The following EAPP variants were observed in gnomAD, a reference collection of about 807,000 sequenced individuals.
The protein encoded by EAPP is E2F associated phosphoprotein, also known as E2F-associated phosphoprotein.
A neutral mutation model predicts 34.3 loss-of-function variants in EAPP; 38 were observed. The observed-to-expected ratio is 1.11, with a 90% confidence interval of 0.85 to 1.45. The LOEUF is 1.45. Ranked by LOEUF, EAPP falls within the 40% of genes most tolerant of loss-of-function variation. The pLI is 0.00. For missense variants in EAPP, 338 were observed against 343.7 expected (o/e 0.98, Z 0.13); for synonymous variants, 113 against 117.6 (o/e 0.96, Z 0.25).
Position 34,536,178 on chromosome 14 carries a change from C to T in EAPP, c.172G>A (p.Glu58Lys), listed in dbSNP as rs746822873. 6 of 1,612,204 alleles carry T rather than the reference C, an allele frequency of 3.7e-6. No homozygotes were observed. Among genetic ancestry groups the T allele is most frequent in the Non-Finnish European group, 5.1e-6 (6 of 1,178,794 alleles). ...TCCATCTCCTTTTCAAATTCATCTTCACTAGATGATTCACTTTCTCCGGTA... is the reference window on the plus strand; with the variant it reads ...TCCATCTCCTTTTCAAATTCATCTTTACTAGATGATTCACTTTCTCCGGTA... The part of the protein sequence containing the change: ...CLTGESESSS[E>K]DEFEKEMEAE... The change falls in exon 2 of 6, where the codon GAA (glutamate) becomes AAA (lysine). Residue 58 changes from glutamate to lysine, a missense_variant. Physicochemically the swap from Glu to Lys is moderately conservative, Grantham distance 56. Transcript: ENST00000250454.
chr14:34,520,966 T>G (rs971611039), intron 5 of EAPP, among the ~76,000 whole-genome samples: 2 of 152,196 alleles, frequency 1.3e-5, no homozygotes, highest in African/African-American at 4.8e-5. Flanking sequence ...TTTACTGTTT[T>G]ATTGTTATAT....
intron 1 of EAPP, among the ~76,000 whole-genome samples, chr14:34,539,047 C>A (rs1190654406): frequency 6.6e-6 from 1 of 152,208 alleles, no homozygotes; most frequent in Non-Finnish European, 1.5e-5. Context: ...GAGCATACAA[C>A]AGTCCCTGTC....
Position 34,516,146 on chromosome 14 carries a change from G to GGTGAGAGAT in EAPP, c.*155_*163dup. On this transcript the variant is annotated 3_prime_UTR_variant, in exon 6 of 6. Transcript: ENST00000250454. Reference sequence around the variant, plus strand: ...AAATCAAAGAAAAAAAAAAGGAGAGGGTGAGAGATGTAAGAGATGAATGAA... The same window carrying GGTGAGAGAT: ...AAATCAAAGAAAAAAAAAAGGAGAGGGTGAGAGATGTGAGAGATGTAAGAGATGAATGAA... The GGTGAGAGAT allele has an allele frequency of 1.7e-6, 1 of 599,650 alleles. No individual in the cohort carries two copies. Among genetic ancestry groups the GGTGAGAGAT allele is most frequent in the Admixed American group, 3.6e-5 (1 of 27,554 alleles). 37.1% of individuals were successfully genotyped at this position (599,650 alleles called of 1,614,324 possible).
intron 5 of EAPP, among the ~76,000 whole-genome samples, chr14:34,517,270 TGG>T (rs1879770836): frequency 7.4e-6 from 1 of 135,566 alleles, no homozygotes; most frequent in South Asian, 2.3e-4. Context: ...TTTTTTGAGA[TGG>T]GGTTTCACTC....
rs1880596490 is a variant in EAPP at position 34,539,605 on chromosome 14, G to A, written c.24C>T (p.Tyr8=). MNRLPDD[Y]DPYAVEEPSD... ...TAGGCTCTTCAACCGCGTAGGGGTC[G>A]TAGTCATCCGGAAGCCGGTTCATGG... is the stretch of plus-strand genomic sequence containing the variant. The change falls in exon 1 of 6, where the codon TAC becomes TAT. Residue 8 remains tyrosine (Y), a synonymous_variant. Transcript: ENST00000250454. The A allele has an allele frequency of 1.9e-6, 3 of 1,582,636 alleles. No individual in the cohort carries two copies. The highest frequency in any genetic ancestry group is 1.1e-5 in the South Asian group (1 of 89,538).
chr14:34,527,290 A>G (rs1397610686), intron 4 of EAPP, among the ~76,000 whole-genome samples: 1 of 151,998 alleles, frequency 6.6e-6, no homozygotes, highest in African/African-American at 2.4e-5. Flanking sequence ...CAACACAGCT[A>G]GACCTCTCTA....
chr14:34,530,615 GTTTA>G (rs1594666857), intron 3 of EAPP, among the ~76,000 whole-genome samples: 3 of 151,946 alleles, frequency 2.0e-5, no homozygotes, highest in African/African-American at 7.2e-5. Context: ...GGCAAAAATT[GTTTA>G]TTTACCCAAA....
chr14:34,521,452 C>A (rs368718219), intron 5 of EAPP, among the ~76,000 whole-genome samples: 1 of 152,030 alleles, frequency 6.6e-6, no homozygotes, highest in Non-Finnish European at 1.5e-5. Context: ...TAGATTTAAT[C>A]TTTTGAGATA....
chr14:34,516,067 T>A lies in EAPP; in HGVS notation c.*243A>T, dbSNP rs1879708372. 1 of 401,362 alleles carries A rather than the reference T, an allele frequency of 2.5e-6. No homozygotes were observed. Among genetic ancestry groups the A allele is most frequent in the East Asian group, 3.7e-5 (1 of 26,882 alleles). 24.9% of individuals were successfully genotyped at this position (401,362 alleles called of 1,614,324 possible). On this transcript the variant is annotated 3_prime_UTR_variant, in exon 6 of 6. Coordinates refer to ENST00000250454, the MANE Select transcript of EAPP (RefSeq NM_018453.4). ...AGAGCTTTAATAAAAAGCCCGACAGTTTCCAAATGTTCATCAAAAACAGAA... is the reference window on the plus strand; with the variant it reads ...AGAGCTTTAATAAAAAGCCCGACAGATTCCAAATGTTCATCAAAAACAGAA...
At position 34,539,572 on chromosome 14, in the gene EAPP, C is replaced by A. The variant is rs1880593883; in HGVS notation, c.57G>T (p.Glu19Asp). The A allele has an allele frequency of 6.2e-7, 1 of 1,605,170 alleles. No individual in the cohort carries two copies. Among genetic ancestry groups the A allele is most frequent in the Non-Finnish European group, 8.5e-7 (1 of 1,176,872 alleles). ...DPYAVEEPSD[E>D]EPALSSSEDE... ...GAGCCCACCTGCTCAAAGCCGGCTCCTCGTCGCTAGGCTCTTCAACCGCGT... is the reference window on the plus strand; with the variant it reads ...GAGCCCACCTGCTCAAAGCCGGCTCATCGTCGCTAGGCTCTTCAACCGCGT... Residue 19 changes from glutamate (E) to aspartate (D), a missense_variant, in exon 1 of 6, where the codon GAG becomes GAT. Coordinates refer to ENST00000250454, the MANE Select transcript of EAPP (RefSeq NM_018453.4).
At chr14:34,520,612 G>A (rs1029705364) in intron 5 of EAPP, among the ~76,000 whole-genome samples, 2 of 151,108 alleles carry the variant, frequency 1.3e-5, no homozygotes, top group Admixed American at 6.6e-5. Context: ...AACAATTCTC[G>A]TGCCTCAGCC....
At chr14:34,539,176 T>C in intron 1 of EAPP, 1 of 385,210 alleles carries the variant, frequency 2.6e-6, no homozygotes, top group South Asian at 2.1e-5. Flanking sequence ...CATAGTGTGT[T>C]ATACTATGTT....
chr14:34,538,938 A>G (rs1247364256), intron 1 of EAPP, among the ~76,000 whole-genome samples: 1 of 152,198 alleles, frequency 6.6e-6, no homozygotes, highest in African/African-American at 2.4e-5. Flanking sequence ...ATTCTCTACA[A>G]TGCTCTGCCA....
In EAPP at chr14:34,516,477, C is replaced by T. The variant is rs1224399465; in HGVS notation, c.691G>A (p.Val231Ile). 1 of 1,614,012 alleles carries T rather than the reference C, an allele frequency of 6.2e-7. No homozygotes were observed. Among genetic ancestry groups the T allele is most frequent in the African/African-American group, 1.3e-5 (1 of 74,924 alleles). ...CGGTTAGACCTCATCTTCTTATGGA[C>T]CCGCCTTTTCTTCCTGTTCTCTGAG... ...KASENRKKRR[V>I]HKKMRSNRED... The change falls in exon 6 of 6, where the codon GTC becomes ATC. Residue 231 changes from valine (V) to isoleucine (I), a missense_variant. Coordinates refer to ENST00000250454, the MANE Select transcript of EAPP (RefSeq NM_018453.4).
chr14:34,524,653 A>ATGTGTG (rs111420332), intron 5 of EAPP, 44 bp downstream of exon 5: 9,902 of 869,436 alleles, frequency 0.011, 79 homozygotes, highest in East Asian at 0.017. Context: ...TAAACAAAAT[A>ATGTGTG]TGTATGTGTG....
In EAPP at chr14:34,532,078, A is replaced by C. The variant is rs554093609; in HGVS notation, c.352+1366T>G. On this transcript the variant is annotated intron_variant, in intron 3 of 5. Coordinates refer to ENST00000250454, the MANE Select transcript of EAPP (RefSeq NM_018453.4). ...GTGACAGAGCGAGACTCCGTCTCAA[A>C]AAAAAAAAAAAAGAAAGAAAGAAAG... is the stretch of plus-strand genomic sequence containing the variant. Among the ~76,000 whole-genome samples, 941 of 150,854 alleles carry C rather than the reference A, an allele frequency of 6.2e-3. 7 individuals carry two copies. Among genetic ancestry groups the C allele is most frequent in the Non-Finnish European group, 9.3e-3 (631 of 67,572 alleles).
At chr14:34,526,626 C>T (rs565109109) in intron 4 of EAPP, among the ~76,000 whole-genome samples, 2 of 151,762 alleles carry the variant, frequency 1.3e-5, no homozygotes, top group African/African-American at 4.8e-5. Context: ...TGGCTCACAC[C>T]TTTAATCCCA....
At chr14:34,539,368 C>G (rs765904245) in intron 1 of EAPP, 187 bp downstream of exon 1, 2 of 712,150 alleles carry the variant, frequency 2.8e-6, no homozygotes, top group Non-Finnish European at 5.1e-6. Flanking sequence ...CAGGCGACAT[C>G]GGCACCGCCT....
chr14:34,535,711 C>T (rs1228513483), intron 2 of EAPP, among the ~76,000 whole-genome samples: 4 of 152,024 alleles, frequency 2.6e-5, no homozygotes, highest in South Asian at 4.2e-4. Flanking sequence ...GGATTACAGT[C>T]GTGAGCCACC....
Sources: allele counts gnomAD v4.1 joint callset (sites outside exome capture counted in the v4.1 genomes callset), GRCh38; gene constraint gnomAD v4.1.1; transcripts MANE v1.5; gene names NCBI Gene and HGNC (gene_info 2026-07-23, HGNC 2026-07-21).